GATM: variants seen among roughly 807,000 people sequenced by gnomAD.
GATM encodes glycine amidinotransferase.
In GATM, 23 loss-of-function variants were observed where a neutral mutation model predicts 54.2. That is an observed-to-expected ratio of 0.42 (90% CI 0.31 to 0.60). The LOEUF (loss-of-function observed/expected upper bound fraction) is 0.60, where lower values mean the gene tolerates loss of function less well. Ranked by LOEUF, GATM falls within the 20% of genes least tolerant of loss-of-function variation. The pLI is 0.14. For synonymous variants in GATM, 168 were observed against 183.1 expected (o/e 0.92, Z 0.67); for missense variants, 401 against 544.9 (o/e 0.74, Z 2.63).
intron 1 of GATM, chr15:45,401,835 CT>C (rs1890015827): frequency 6.6e-6 from 1 of 152,426 alleles, no homozygotes; most frequent in Non-Finnish European, 1.5e-5. Flanking sequence ...TTCCCTCCCA[CT>C]ATGCTGGTAC....
At position 45,366,469 on chromosome 15, in the gene GATM, C is replaced by A; in HGVS notation, c.715G>T (p.Ala239Ser). The change falls in exon 5 of 9, where the codon GCT (alanine) becomes TCT (serine). Residue 239 changes from alanine to serine, a missense_variant. Ala to Ser is a moderately conservative substitution (Grantham distance 99). Coordinates refer to ENST00000396659, the MANE Select transcript of GATM (RefSeq NM_001482.3). ...IHSVEDRHKL[A>S]AQGKFVTTEF... is the part of the protein sequence containing the mutation. ...GTTGTCACAAATTTTCCCTGAGCAG[C>A]CAATTTGTGTCTGTCTTCTACAGAG... 2.5e-6 allele frequency: 4 copies of A among 1,614,056 alleles called. No homozygotes were observed. In the Admixed American group the frequency reaches 6.7e-5, roughly 27 times the overall value.
upstream of GATM, among the ~76,000 whole-genome samples, chr15:45,381,798 C>T (rs1889744032): frequency 6.6e-6 from 1 of 152,156 alleles, no homozygotes; most frequent in South Asian, 2.1e-4. Flanking sequence ...TACTCAAGTT[C>T]AAACAAGGTG....
At chr15:45,362,786 A>G (rs1450252354) in intron 8 of GATM, among the ~76,000 whole-genome samples, 1 of 152,246 alleles carries the variant, frequency 6.6e-6, no homozygotes, top group Non-Finnish European at 1.5e-5. Flanking sequence ...TACCATCTGT[A>G]ATGACAAGGC....
chr15:45,368,196 G>A lies in GATM; in HGVS notation c.549C>T (p.Pro183=), dbSNP rs1889480571. 1.9e-6 allele frequency: 3 copies of A among 1,614,102 alleles called. No homozygotes were observed. Among genetic ancestry groups the A allele is most frequent in the Non-Finnish European group, 2.5e-6 (3 of 1,180,016 alleles). The part of the protein sequence containing the change: ...IVVGNEIIEA[P]MAWRSRFFEY... ...CAAAGAAGCGTGAACGCCATGCCAT[G>A]GGAGCCTCGATAATCTCATTGCCCA... The change falls in exon 4 of 9, where the codon CCC becomes CCT. Residue 183 remains proline, a synonymous_variant. Coordinates refer to ENST00000396659, the MANE Select transcript of GATM (RefSeq NM_001482.3). This position sits in a 1 kb window ranked among gnomAD's most constrained non-coding sequence, Gnocchi z 5.1.
At chr15:45,377,438 A>C in intron 1 of GATM, 1 of 374,040 alleles carries the variant, frequency 2.7e-6, no homozygotes, top group Non-Finnish European at 5.1e-6. Flanking sequence ...CATTTTACAG[A>C]TGGTCCACAG....
upstream of GATM, among the ~76,000 whole-genome samples, chr15:45,381,258 T>C (rs1412595193): frequency 6.6e-6 from 1 of 152,194 alleles, no homozygotes; most frequent in Non-Finnish European, 1.5e-5. Context: ...GTTATGCATA[T>C]TCAAGTCTAA....
chr15:45,378,619 C>T, upstream of GATM: 1 of 508,944 alleles, frequency 2.0e-6, no homozygotes, highest in Non-Finnish European at 3.4e-6. Context: ...CCATTGGCTG[C>T]CGGGAACAGG....
intron 3 of GATM, among the ~76,000 whole-genome samples, chr15:45,384,771 C>T (rs1282351930): frequency 6.6e-6 from 1 of 151,960 alleles, no homozygotes; most frequent in Non-Finnish European, 1.5e-5. Flanking sequence ...TGCAGTGGTG[C>T]GATCATAGCT....
intron 3 of GATM, among the ~76,000 whole-genome samples, chr15:45,393,782 A>G (rs1214329400): frequency 6.6e-6 from 1 of 152,178 alleles, no homozygotes; most frequent in Non-Finnish European, 1.5e-5. Flanking sequence ...TGCTGTAATG[A>G]GCATTTCCTT....
intron 4 of GATM, 90 bp from the exon 5 acceptor site, chr15:45,366,598 A>C (rs1889451895): frequency 7.7e-6 from 11 of 1,422,976 alleles, no homozygotes; most frequent in Non-Finnish European, 9.8e-6. Context: ...TTAGTTTAAC[A>C]TCATTTCCCA....
intron 2 of GATM, among the ~76,000 whole-genome samples, chr15:45,374,000 T>G (rs2140653764): frequency 6.6e-6 from 1 of 152,340 alleles, no homozygotes; most frequent in Non-Finnish European, 1.5e-5. Context: ...ATTGGCAAAC[T>G]GGATCCATAC....
chr15:45,376,641 G>A lies in GATM; in HGVS notation c.248C>T (p.Ala83Val). 4 of 1,614,122 alleles carry A rather than the reference G, an allele frequency of 2.5e-6. No individual in the cohort carries two copies. The South Asian group carries it at 4.4e-5, about 18-fold the overall frequency. Residue 83 changes from alanine to valine, a missense_variant, in exon 2 of 9, where the codon GCA becomes GTA. Transcript: ENST00000396659. ...GAACGGTGGAACACAGGCGTTTTCT[G>A]CTCTGCCCACTATCACTTCCTCTAA... ...DPLEEVIVGR[A>V]ENACVPPFTI...
At chr15:45,375,219 C>T (rs371791890) in intron 2 of GATM, among the ~76,000 whole-genome samples, 15 of 152,192 alleles carry the variant, frequency 9.9e-5, no homozygotes, top group Middle Eastern at 3.4e-3. Context: ...TACAGGCACC[C>T]GCCACCACGC....
rs534428364 is a variant in GATM at position 45,402,179 on chromosome 15, A to C, written c.-770T>G. 1.5e-5 allele frequency: 8 copies of C among 527,516 alleles called. No individual in the cohort carries two copies. In the South Asian group the frequency reaches 2.2e-4, roughly 14 times the overall value. 32.7% of individuals were successfully genotyped at this position (527,516 alleles called of 1,614,324 possible). A position where few individuals can be genotyped will look rare whatever the true frequency, so the allele number is the denominator to read the frequency against. On this transcript the variant is annotated 5_prime_UTR_variant, in exon 1 of 5. Transcript: ENST00000561148. ...GCCGCCTCCCAGACACCTGTAACGAAGACCATCTCGGGAAAGCTCTGGGTT... is the reference window on the plus strand; with the variant it reads ...GCCGCCTCCCAGACACCTGTAACGACGACCATCTCGGGAAAGCTCTGGGTT...
intron 1 of GATM, 117 bp downstream of exon 1, chr15:45,378,268 G>C (rs1470415843): frequency 1.3e-6 from 1 of 763,720 alleles, no homozygotes; most frequent in African/African-American, 1.8e-5. Flanking sequence ...GTGCAATTCC[G>C]GCTAGGGAAA....
At position 45,366,139 on chromosome 15, in the gene GATM, G is replaced by A. The variant is rs3210029; in HGVS notation, c.885C>T (p.Ser295=). The change falls in exon 6 of 9, where the codon TCC becomes TCT. Residue 295 remains serine, a synonymous_variant. Coordinates refer to ENST00000396659, the MANE Select transcript of GATM (RefSeq NM_001482.3). ...LAPDYRVHII[S]FKDPNPMHID... ...TATGCATGGGATTGGGATCTTTAAAGGAGATGATATGCACTCTGTAGTCTG... is the reference window on the plus strand; with the variant it reads ...TATGCATGGGATTGGGATCTTTAAAAGAGATGATATGCACTCTGTAGTCTG... 1.2e-6 allele frequency: 2 copies of A among 1,614,020 alleles called. No homozygotes were observed. Among genetic ancestry groups the A allele is most frequent in the Non-Finnish European group, 1.7e-6 (2 of 1,179,884 alleles).
chr15:45,381,097 G>A (rs1426856055), upstream of GATM, among the ~76,000 whole-genome samples: 1 of 152,026 alleles, frequency 6.6e-6, no homozygotes, highest in East Asian at 1.9e-4. Flanking sequence ...AGTGATAGTT[G>A]GCAACTCCGT....
intron 8 of GATM, 118 bp from the exon 9 acceptor site, chr15:45,362,339 C>G (rs1351890119): frequency 8.5e-6 from 6 of 701,934 alleles, no homozygotes; most frequent in Non-Finnish European, 1.6e-5. Context: ...ATACCCAACC[C>G]AGAATAGTAT....
chr15:45,390,004 C>A (rs947247916), intron 3 of GATM, among the ~76,000 whole-genome samples: 10 of 152,060 alleles, frequency 6.6e-5, no homozygotes, highest in Admixed American at 2.6e-4. Context: ...GGACTACAGG[C>A]ACACACCCAT....
Sources: gnomAD v4.1 joint callset for allele counts (sites outside exome capture counted in the v4.1 genomes callset) on GRCh38, gnomAD v4.1.1 for gene constraint, Gnocchi (gnomAD v3.1) non-coding constraint, MANE v1.5 for transcripts, NCBI Gene and HGNC (gene_info 2026-07-23, HGNC 2026-07-21) for gene names.